DENND4C: variants seen among roughly 807,000 people sequenced by gnomAD.
DENND4C encodes DENN domain containing 4C.
A neutral mutation model predicts 203.0 loss-of-function variants in DENND4C; 108 were observed. The observed-to-expected ratio is 0.53, with a 90% CI of 0.46 to 0.62. The LOEUF (loss-of-function observed/expected upper bound fraction) is 0.62. Ranked by LOEUF, DENND4C falls within the 20% of genes least tolerant of loss-of-function variation. DENND4C has a pLI of 0.00. For synonymous variants in DENND4C, 871 were observed against 792.4 expected (o/e 1.10, Z -1.67); for missense variants, 2,481 against 2,301.2 (o/e 1.08, Z -1.60).
chr9:19,269,726 CAT>C (rs1361191007), intron 1 of DENND4C, among the ~76,000 whole-genome samples: 1 of 152,186 alleles, frequency 6.6e-6, no homozygotes, highest in Non-Finnish European at 1.5e-5. Context: ...AAAGGTCACA[CAT>C]GTCTGTCATT....
At chr9:19,313,559 A>G (rs1412514793) in intron 10 of DENND4C, among the ~76,000 whole-genome samples, 1 of 152,244 alleles carries the variant, frequency 6.6e-6, no homozygotes, top group African/African-American at 2.4e-5. Context: ...GCGATTACAT[A>G]AAATGAGAGA....
Position 19,371,968 on chromosome 9 carries a change from C to G in DENND4C, c.5741-69C>G, listed in dbSNP as rs1449895956. 3.3e-6 allele frequency: 5 copies of G among 1,506,712 alleles called. No homozygotes were observed. In the East Asian group the frequency reaches 1.1e-4, roughly 34 times the overall value. The allele number at this position is 1,506,712 out of a possible 1,614,324, so 93.3% of individuals were successfully genotyped here. ...CAAATACATATAATTTGACTCAATA[C>G]CAATTTGAAATGAACGGCTGTTGTC... On this transcript the variant is annotated intron_variant, in intron 32 of 32. Transcript: ENST00000434457.
chr9:19,341,394 C>A (rs1053901981), intron 21 of DENND4C, among the ~76,000 whole-genome samples: 1 of 151,084 alleles, frequency 6.6e-6, no homozygotes, highest in Non-Finnish European at 1.5e-5. Flanking sequence ...TTACTGCAGC[C>A]CTATCTCCTG....
intron 10 of DENND4C, among the ~76,000 whole-genome samples, chr9:19,315,840 G>A (rs1224939836): frequency 6.6e-6 from 1 of 151,724 alleles, no homozygotes; most frequent in African/African-American, 2.4e-5. Flanking sequence ...TGAGTAGCTG[G>A]GACTACAGGC....
At chr9:19,246,216 C>G (rs898462724) in intron 1 of DENND4C, among the ~76,000 whole-genome samples, 2 of 152,110 alleles carry the variant, frequency 1.3e-5, no homozygotes, top group Non-Finnish European at 2.9e-5. Flanking sequence ...ACTTCAACCC[C>G]GATTACACTC....
intron 2 of DENND4C, chr9:19,276,704 A>G (rs1021638252): frequency 1.2e-5 from 4 of 334,118 alleles, no homozygotes; most frequent in Non-Finnish European, 2.1e-5. Flanking sequence ...ATTTGCTTTC[A>G]AAAGAATATT....
chr9:19,371,803 G>C lies in DENND4C; in HGVS notation c.5723G>C (p.Arg1908Thr). 1 of 1,456,194 alleles carries C rather than the reference G, an allele frequency of 6.9e-7. No individual in the cohort carries two copies. The highest frequency in any genetic ancestry group is 9.5e-7 in the Non-Finnish European group (1 of 1,049,538). 90.2% of individuals were successfully genotyped at this position (1,456,194 alleles called of 1,614,324 possible). ...ILFLSLVSLG[R>T]ENIDIEAFDN... ...TTCTTATCATTAGTGTCTCTAGGAA[G>C]AGAGAATATTGATATTGGTAAGTTG... The change falls in exon 32 of 33, where the codon AGA becomes ACA. Residue 1908 changes from arginine to threonine, a missense_variant. Transcript: ENST00000434457.
intron 1 of DENND4C, among the ~76,000 whole-genome samples, chr9:19,259,123 T>C (rs560466090): frequency 2.0e-5 from 3 of 152,216 alleles, no homozygotes; most frequent in Non-Finnish European, 4.4e-5. Context: ...CTTTTAGTTA[T>C]TTTAAAATAT....
At chr9:19,354,548 C>A (rs1473957174) in intron 26 of DENND4C, among the ~76,000 whole-genome samples, 1 of 120,148 alleles carries the variant, frequency 8.3e-6, no homozygotes, top group Non-Finnish European at 1.6e-5. Flanking sequence ...GTTATTCTAG[C>A]CTTTTTTTTT....
chr9:19,307,076 G>A (rs185137181), intron 10 of DENND4C, among the ~76,000 whole-genome samples: 2 of 152,136 alleles, frequency 1.3e-5, no homozygotes, highest in South Asian at 4.1e-4. Context: ...GAGCCACTGT[G>A]CCCGGCATGC....
At chr9:19,276,681 G>C (rs1325171992) in intron 2 of DENND4C, 2 of 369,832 alleles carry the variant, frequency 5.4e-6, no homozygotes, top group Non-Finnish European at 4.7e-6. Flanking sequence ...GCATTGCCTT[G>C]AATTGTTAGA....
chr9:19,304,063 C>A (rs1307943278), intron 9 of DENND4C, among the ~76,000 whole-genome samples: 16 of 148,034 alleles, frequency 1.1e-4, no homozygotes, highest in Non-Finnish European at 2.1e-4. Flanking sequence ...AAAAAAAAAA[C>A]CCACAAATGA....
intron 10 of DENND4C, among the ~76,000 whole-genome samples, chr9:19,310,265 G>A (rs73435122): frequency 0.016 from 2,363 of 152,196 alleles, 57 homozygotes; most frequent in African/African-American, 0.054. Context: ...AGCTAGGATC[G>A]CTAGTGTAAT....
intron 7 of DENND4C, 101 bp from the exon 8 acceptor site, chr9:19,299,128 A>G (rs1432037436): frequency 1.2e-6 from 1 of 801,858 alleles, no homozygotes; most frequent in South Asian, 2.0e-5. Context: ...TTTCAATATT[A>G]CCTTTGATCT....
chr9:19,270,718 G>A (rs894537827), intron 1 of DENND4C, among the ~76,000 whole-genome samples: 5 of 151,938 alleles, frequency 3.3e-5, no homozygotes, highest in East Asian at 3.9e-4. Flanking sequence ...TATCTTAACA[G>A]TGTACCGGAT....
chr9:19,232,639 G>A (rs1350343548), intron 1 of DENND4C, among the ~76,000 whole-genome samples: 1 of 152,114 alleles, frequency 6.6e-6, no homozygotes, highest in Non-Finnish European at 1.5e-5. Context: ...TAAGCTTTTA[G>A]CTGAAGAAAT....
rs1825589286 is a variant in DENND4C at position 19,357,045 on chromosome 9, G to C, written c.4855G>C (p.Glu1619Gln). ...CATTCCATTGGCAAATGAATCCTTG[G>C]AGCACAAACCTGTATCCAGTTTAGC... ...GSIPLANESLEHKPVSSLAEP... is the reference protein window; with the variant it reads ...GSIPLANESLQHKPVSSLAEP... The change falls in exon 27 of 33, where the codon GAG becomes CAG. Residue 1619 changes from glutamate to glutamine, a missense_variant. Transcript: ENST00000434457. 3.1e-6 allele frequency: 5 copies of C among 1,613,810 alleles called. No individual in the cohort carries two copies. Among genetic ancestry groups the C allele is most frequent in the African/African-American group, 2.7e-5 (2 of 74,884 alleles).
chr9:19,369,731 C>T (rs974680824), intron 30 of DENND4C, 106 bp from the exon 31 acceptor site: 4 of 646,158 alleles, frequency 6.2e-6, no homozygotes, highest in Non-Finnish European at 8.5e-6. Flanking sequence ...CACATCACTG[C>T]ACTCCAGCCT....
intron 1 of DENND4C, among the ~76,000 whole-genome samples, chr9:19,260,112 C>T (rs965289951): frequency 6.6e-6 from 1 of 152,134 alleles, no homozygotes; most frequent in South Asian, 2.1e-4. Flanking sequence ...TCTTCATATC[C>T]TTGCCAGCAT....
Sources: gnomAD v4.1 joint callset for allele counts (sites outside exome capture counted in the v4.1 genomes callset) on GRCh38, gnomAD v4.1.1 for gene constraint, MANE v1.5 for transcripts, NCBI Gene and HGNC (gene_info 2026-07-23, HGNC 2026-07-21) for gene names.